Variants in TBCD observed in about 807,000 individuals in gnomAD.
The protein encoded by TBCD is tubulin-specific chaperone D.
In TBCD, 105 loss-of-function variants were observed where a neutral mutation model predicts 169.3. The ratio of observed to expected loss-of-function variants is 0.62; its 90% CI spans 0.53 to 0.73. The LOEUF (loss-of-function observed/expected upper bound fraction) is 0.73. TBCD is among the 30% of genes least tolerant of loss of function. The probability of loss-of-function intolerance (pLI) is 0.00; values close to 1 mark genes in which losing one functional copy is unlikely to be tolerated. For missense variants in TBCD, 1,444 were observed against 1,600.1 expected (o/e 0.90, Z 1.66); for synonymous variants, 700 against 643.9 (o/e 1.09, Z -1.32).
chr17:82,799,363 A>G (rs1568151010), intron 8 of TBCD, among the ~76,000 whole-genome samples: 1 of 139,430 alleles, frequency 7.2e-6, no homozygotes. Context: ...GAATCCCTTG[A>G]GCCAGGGAGT....
chr17:82,940,239 A>ACACACT (rs2063048759), intron 37 of TBCD, among the ~76,000 whole-genome samples: 1 of 128,506 alleles, frequency 7.8e-6, no homozygotes, highest in African/African-American at 2.6e-5. Context: ...ACACACACAC[A>ACACACT]CACACACTTC....
chr17:82,784,198 A>AT (rs1324134044), intron 7 of TBCD, among the ~76,000 whole-genome samples: 1 of 152,180 alleles, frequency 6.6e-6, no homozygotes, highest in African/African-American at 2.4e-5. Context: ...GTTTTTAATA[A>AT]AATTTTAAAC....
At chr17:82,758,889 G>C (rs996317281) in intron 2 of TBCD, among the ~76,000 whole-genome samples, 1 of 151,464 alleles carries the variant, frequency 6.6e-6, no homozygotes, top group Non-Finnish European at 1.5e-5. Flanking sequence ...TCAAACTCCT[G>C]ACCCCCACGT....
intron 13 of TBCD, among the ~76,000 whole-genome samples, chr17:82,816,405 G>C (rs2051908192): frequency 6.6e-6 from 1 of 152,166 alleles, no homozygotes; most frequent in African/African-American, 2.4e-5. Context: ...TAGAAATGCT[G>C]GGTCATACGG....
intron 13 of TBCD, among the ~76,000 whole-genome samples, chr17:82,838,303 A>G (rs2054156046): frequency 6.6e-6 from 1 of 151,644 alleles, no homozygotes; most frequent in Non-Finnish European, 1.5e-5. Flanking sequence ...AAGGAGTTTG[A>G]ACTTTGAAAA....
chr17:82,767,142 C>T (rs761718721), intron 4 of TBCD, among the ~76,000 whole-genome samples: 2 of 152,198 alleles, frequency 1.3e-5, no homozygotes, highest in East Asian at 1.9e-4. Context: ...GGGCCGGCCT[C>T]GTCAGGGGCC....
intron 13 of TBCD, among the ~76,000 whole-genome samples, chr17:82,843,093 A>G (rs1428430664): frequency 2.6e-5 from 4 of 151,770 alleles, no homozygotes; most frequent in East Asian, 3.9e-4. Context: ...AGTGTTCTCT[A>G]TTTTCTCTAG....
In TBCD at chr17:82,832,988, A is replaced by G. The variant is rs74002544; in HGVS notation, c.1318+18054A>G. On this transcript the variant is annotated intron_variant, in intron 13 of 38. Transcript: ENST00000355528. This position sits in a 1 kb window ranked among gnomAD's most constrained non-coding sequence, Gnocchi z 4.9. ...TCCTGTGACCTGGACCTTTCCTCGA[A>G]AGCGCCCTGCCGGGGGCTGAGGACA... 0.039 allele frequency among the ~76,000 whole-genome samples: 5,928 copies of G among 152,076 alleles called. 400 individuals carry two copies. The highest frequency in any genetic ancestry group is 0.13 in the African/African-American group (5,544 of 41,426).
At chr17:82,927,700 T>G (rs984349773) in intron 29 of TBCD, among the ~76,000 whole-genome samples, 1 of 152,108 alleles carries the variant, frequency 6.6e-6, no homozygotes, top group Non-Finnish European at 1.5e-5. Flanking sequence ...CCCCGGTGTG[T>G]GTGGCTGTGG....
chr17:82,798,175 TTC>T (rs1460835028), intron 8 of TBCD, among the ~76,000 whole-genome samples: 3 of 132,440 alleles, frequency 2.3e-5, no homozygotes, highest in Non-Finnish European at 4.9e-5. Flanking sequence ...GAGATGGATT[TTC>T]TCTCTGTCGC....
intron 1 of TBCD, among the ~76,000 whole-genome samples, chr17:82,754,558 G>T (rs1167793882): frequency 6.6e-6 from 1 of 152,226 alleles, no homozygotes; most frequent in East Asian, 1.9e-4. Flanking sequence ...CCTCCTCCTA[G>T]CCTGGTGGCC....
intron 13 of TBCD, among the ~76,000 whole-genome samples, chr17:82,857,733 C>T (rs1230018959): frequency 7.5e-6 from 1 of 133,848 alleles, no homozygotes; most frequent in Non-Finnish European, 1.6e-5. Context: ...AACCTTGCTG[C>T]TTGTGTCTCA....
intron 14 of TBCD, among the ~76,000 whole-genome samples, chr17:82,881,209 C>T (rs973698137): frequency 3.3e-5 from 5 of 152,162 alleles, no homozygotes; most frequent in East Asian, 1.9e-4. Flanking sequence ...AGCTGAGAAG[C>T]GGCCCTGTGG....
intron 22 of TBCD, 94 bp downstream of exon 22, chr17:82,909,401 C>A: frequency 9.2e-7 from 1 of 1,082,830 alleles, no homozygotes; most frequent in Non-Finnish European, 1.4e-6. Flanking sequence ...GCTTCCCTCT[C>A]TGCCTATGTG....
rs1032492495 is a variant in TBCD at position 82,874,741 on chromosome 17, T to C, written c.1475+4361T>C. On this transcript the variant is annotated intron_variant, in intron 14 of 38. Transcript: ENST00000355528. This position sits in a 1 kb window ranked among gnomAD's most constrained non-coding sequence, Gnocchi z 5.0. ...GTGTGGGATGCTGCTGGTGCGAGCC[T>C]CCCTGCCCAGGAGCCCTGCGCACCC... Among the ~76,000 whole-genome samples the C allele has an allele frequency of 6.6e-6, 1 of 152,178 alleles. No individual in the cohort carries two copies. Among genetic ancestry groups the C allele is most frequent in the Non-Finnish European group, 1.5e-5 (1 of 68,018 alleles).
rs1483158029 is a variant in TBCD, at chr17:82,888,857, G to A, written c.1534-811G>A. Among the ~76,000 whole-genome samples the A allele has an allele frequency of 2.0e-5, 3 of 152,370 alleles. No individual in the cohort carries two copies. The East Asian group carries it at 5.8e-4, about 29-fold the overall frequency. On this transcript the variant is annotated intron_variant, in intron 15 of 38. Coordinates refer to ENST00000355528, the MANE Select transcript of TBCD (RefSeq NM_005993.5). ...GCGGGAGGTCGCTCCTCCAGAGCGT[G>A]GTCCCTGAAGCCGCCAGCCTCCCTG...
At position 82,806,124 on chromosome 17, in the gene TBCD, C is replaced by G; in HGVS notation, c.1087+113C>G. ...GCTGGTGCCGGCACTGTCTGGCCAC[C>G]CGTCCCCTTCGCTGAGTGCACGGTC... On this transcript the variant is annotated intron_variant, in intron 10 of 38. Coordinates refer to ENST00000355528, the MANE Select transcript of TBCD (RefSeq NM_005993.5). This position sits in a 1 kb window ranked among gnomAD's most constrained non-coding sequence, Gnocchi z 5.1. 3 of 1,434,432 alleles carry G rather than the reference C, an allele frequency of 2.1e-6. No individual in the cohort carries two copies. The highest frequency in any genetic ancestry group is 2.8e-6 in the Non-Finnish European group (3 of 1,063,904). 88.9% of individuals were successfully genotyped at this position (1,434,432 alleles called of 1,614,324 possible).
At chr17:82,883,387 G>A (rs756879837) in intron 14 of TBCD, among the ~76,000 whole-genome samples, 4 of 152,264 alleles carry the variant, frequency 2.6e-5, no homozygotes, top group African/African-American at 4.8e-5. Context: ...CCTGTGTTCT[G>A]TGCAACGCCT....
intron 13 of TBCD, among the ~76,000 whole-genome samples, chr17:82,820,970 T>C (rs2052367703): frequency 1.3e-5 from 2 of 152,226 alleles, no homozygotes. Context: ...AATAATTTCT[T>C]TTTGAGACAG....
Sources: gnomAD v4.1 joint callset for allele counts (sites outside exome capture counted in the v4.1 genomes callset) on GRCh38, gnomAD v4.1.1 for gene constraint, Gnocchi (gnomAD v3.1) non-coding constraint, MANE v1.5 for transcripts, NCBI Gene and HGNC (gene_info 2026-07-23, HGNC 2026-07-21) for gene names.